TTC29: variants seen among roughly 807,000 people sequenced by gnomAD.
TTC29 encodes the protein tetratricopeptide repeat protein 29.
In TTC29, 49 loss-of-function variants were observed where a neutral mutation model predicts 58.1. The ratio of observed to expected loss-of-function variants is 0.84; its 90% confidence interval spans 0.67 to 1.07. The LOEUF is 1.07. Ranked by LOEUF, TTC29 falls within the 50% of genes least tolerant of loss-of-function variation. TTC29 has a pLI of 0.00. For missense variants in TTC29, 582 were observed against 555.6 expected, an observed-to-expected ratio of 1.05 and a Z score of -0.48; for synonymous variants, 209 against 196.8, an observed-to-expected ratio of 1.06 and a Z score of -0.52.
chr4:146,816,042 C>T (rs146574028), intron 10 of TTC29, among the ~76,000 whole-genome samples: 187 of 152,148 alleles, frequency 1.2e-3, no homozygotes, highest in African/African-American at 4.1e-3. Context: ...TTTAATTCTC[C>T]GATTTTTGAT....
chr4:146,922,016 A>AG (rs1189399817), intron 4 of TTC29, among the ~76,000 whole-genome samples: 2 of 147,338 alleles, frequency 1.4e-5, no homozygotes, highest in East Asian at 3.9e-4. Context: ...CCCCTACAAA[A>AG]AAAAAAAAAA....
intron 11 of TTC29, among the ~76,000 whole-genome samples, chr4:146,736,847 T>A (rs964962006): frequency 1.3e-5 from 2 of 152,116 alleles, no homozygotes; most frequent in Non-Finnish European, 2.9e-5. Flanking sequence ...ACCTAGGGAA[T>A]GAAAGGAGGA....
chr4:146,820,356 G>T (rs2150140312), intron 9 of TTC29, 108 bp from the exon 10 acceptor site: 4 of 1,240,444 alleles, frequency 3.2e-6, no homozygotes, highest in East Asian at 5.1e-5. Flanking sequence ...TGGTTATCAG[G>T]ATAATAAGAT....
chr4:146,810,643 G>A (rs1236807026), intron 10 of TTC29, among the ~76,000 whole-genome samples: 1 of 142,890 alleles, frequency 7.0e-6, no homozygotes, highest in Admixed American at 7.3e-5. Context: ...CCAGGTTGGA[G>A]TGCAGTGGCA....
At chr4:146,751,536 C>G (rs962703142) in intron 11 of TTC29, among the ~76,000 whole-genome samples, 1 of 152,130 alleles carries the variant, frequency 6.6e-6, no homozygotes, top group South Asian at 2.1e-4. Flanking sequence ...AAATCAATAA[C>G]ACAAGGTATC....
At chr4:146,926,078 T>C (rs1734910282) in intron 4 of TTC29, among the ~76,000 whole-genome samples, 1 of 152,178 alleles carries the variant, frequency 6.6e-6, no homozygotes, top group East Asian at 1.9e-4. Context: ...CACACAATAA[T>C]CATTTATTTT....
At chr4:146,811,305 T>C (rs952906752) in intron 10 of TTC29, among the ~76,000 whole-genome samples, 4 of 152,158 alleles carry the variant, frequency 2.6e-5, no homozygotes, top group African/African-American at 9.7e-5. Context: ...TTATTCTTAT[T>C]TTACAGATAA....
intron 6 of TTC29, among the ~76,000 whole-genome samples, chr4:146,896,405 C>T (rs1048035761): frequency 2.6e-4 from 39 of 152,100 alleles, no homozygotes; most frequent in African/African-American, 9.2e-4. Context: ...AAGCTGAATA[C>T]TTGTTTAATT....
chr4:146,840,282 T>C (rs1236980785), intron 8 of TTC29, among the ~76,000 whole-genome samples: 1 of 151,476 alleles, frequency 6.6e-6, no homozygotes, highest in African/African-American at 2.4e-5. Flanking sequence ...AAGAGGGAAA[T>C]GTGCAGCAGC....
At chr4:146,849,373 G>C (rs1163996847) in intron 8 of TTC29, among the ~76,000 whole-genome samples, 1 of 152,120 alleles carries the variant, frequency 6.6e-6, no homozygotes, top group Non-Finnish European at 1.5e-5. Flanking sequence ...TCAGCACTGT[G>C]ATAGGCTTGC....
At chr4:146,779,918 G>A (rs1422924444) in intron 11 of TTC29, among the ~76,000 whole-genome samples, 2 of 152,108 alleles carry the variant, frequency 1.3e-5, no homozygotes, top group African/African-American at 2.4e-5. Flanking sequence ...ACCAGAAAGT[G>A]AATCTTAAAT....
At chr4:146,780,082 A>G (rs1748470571) in intron 11 of TTC29, among the ~76,000 whole-genome samples, 1 of 152,116 alleles carries the variant, frequency 6.6e-6, no homozygotes, top group Non-Finnish European at 1.5e-5. Context: ...AGATTTTAAA[A>G]ATATTTTTAC....
chr4:146,865,300 CA>C (rs1224328421), intron 8 of TTC29, among the ~76,000 whole-genome samples: 1 of 152,108 alleles, frequency 6.6e-6, no homozygotes, highest in Non-Finnish European at 1.5e-5. Context: ...ACATCCTTTA[CA>C]ATAAAAGTTA....
intron 11 of TTC29, among the ~76,000 whole-genome samples, chr4:146,767,456 T>G (rs1747412016): frequency 6.6e-6 from 1 of 152,032 alleles, no homozygotes; most frequent in African/African-American, 2.4e-5. Flanking sequence ...GCCTTGTTAA[T>G]GTGTTAGCTA....
chr4:146,728,761 ACATATATATACACATATATATGTG>A (rs2150015453), intron 11 of TTC29, among the ~76,000 whole-genome samples: 1 of 126,920 alleles, frequency 7.9e-6, no homozygotes, highest in African/African-American at 3.0e-5. Flanking sequence ...GGATATATGT[ACATATATATACACATATATATGTG>A]TATATATACG....
intron 11 of TTC29, among the ~76,000 whole-genome samples, chr4:146,795,536 C>T (rs1030046139): frequency 4.6e-5 from 7 of 152,048 alleles, no homozygotes; most frequent in African/African-American, 1.7e-4. Context: ...ATCTAGATCA[C>T]AGAATATTTA....
At chr4:146,944,834 G>A (rs1041670838) in intron 2 of TTC29, among the ~76,000 whole-genome samples, 197 bp downstream of exon 2, 1 of 151,768 alleles carries the variant, frequency 6.6e-6, no homozygotes, top group East Asian at 1.9e-4. Context: ...ACATAATTAA[G>A]TTTATAAAGA....
chr4:146,737,992 C>G (rs1275799682), intron 11 of TTC29, among the ~76,000 whole-genome samples: 1 of 152,124 alleles, frequency 6.6e-6, no homozygotes, highest in Non-Finnish European at 1.5e-5. Context: ...GTCTTCACCC[C>G]ACCTGGCAAA....
At chr4:146,743,277 A>G (rs1054751543) in intron 11 of TTC29, among the ~76,000 whole-genome samples, 5 of 152,186 alleles carry the variant, frequency 3.3e-5, no homozygotes, top group African/African-American at 1.2e-4. Context: ...ATGTATTTTG[A>G]GTGTTCTAAC....
Sources: allele counts gnomAD v4.1 joint callset (sites outside exome capture counted in the v4.1 genomes callset), GRCh38; gene constraint gnomAD v4.1.1; transcripts MANE v1.5; gene names NCBI Gene and HGNC (gene_info 2026-07-23, HGNC 2026-07-21).